Variants in TCF7L2 observed in about 807,000 individuals in gnomAD.
TCF7L2 encodes transcription factor 7 like 2, also known as transcription factor 7-like 2.
In TCF7L2, 23 loss-of-function variants were observed where a neutral mutation model predicts 77.9. The observed-to-expected ratio is 0.30, with a 90% CI of 0.21 to 0.42. The LOEUF (loss-of-function observed/expected upper bound fraction) is 0.42. TCF7L2 is among the 10% of genes least tolerant of loss of function. The probability of loss-of-function intolerance (pLI) is 1.00; values close to 1 mark genes in which losing one functional copy is unlikely to be tolerated. For missense variants in TCF7L2, 654 were observed against 793.1 expected, an observed-to-expected ratio of 0.82 and a Z score of 2.11; for synonymous variants, 413 against 340.2, an observed-to-expected ratio of 1.21 and a Z score of -2.36.
intron 5 of TCF7L2, among the ~76,000 whole-genome samples, chr10:113,118,667 T>TTTTTTTG (rs2064264768): frequency 1.2e-4 from 1 of 8,190 alleles, no homozygotes; most frequent in East Asian, 2.9e-3. Context: ...TTTTTTTGTT[T>TTTTTTTG]TTTTTTTTTT....
At chr10:113,045,913 T>C (rs1479105293) in intron 5 of TCF7L2, among the ~76,000 whole-genome samples, 1 of 152,172 alleles carries the variant, frequency 6.6e-6, no homozygotes, top group Non-Finnish European at 1.5e-5. Context: ...TCTAAGGATA[T>C]AAAGCAAGCC....
At chr10:113,118,515 TGG>T (rs202040738) in intron 5 of TCF7L2, among the ~76,000 whole-genome samples, 4,397 of 139,812 alleles carry the variant, frequency 0.031, 141 homozygotes, top group African/African-American at 0.08. Flanking sequence ...ACTGGTCATC[TGG>T]GGGGTGTGTG....
At chr10:113,042,036 T>C (rs2052544185) in intron 5 of TCF7L2, among the ~76,000 whole-genome samples, 3 of 152,214 alleles carry the variant, frequency 2.0e-5, no homozygotes, top group Admixed American at 2.0e-4. Context: ...CAGGGAGCAG[T>C]ACCCCCGTGT....
At chr10:113,033,622 T>C (rs1056640115) in intron 4 of TCF7L2, among the ~76,000 whole-genome samples, 1 of 152,220 alleles carries the variant, frequency 6.6e-6, no homozygotes, top group Non-Finnish European at 1.5e-5. Flanking sequence ...TGGTTTTCTT[T>C]TCCTAGGTAA....
chr10:113,087,862 A>G (rs2059987531), intron 5 of TCF7L2, among the ~76,000 whole-genome samples: 1 of 152,236 alleles, frequency 6.6e-6, no homozygotes, highest in East Asian at 1.9e-4. Context: ...CTTGAGGCCC[A>G]TGGGAATACC....
At chr10:113,050,216 T>C (rs1195851728) in intron 5 of TCF7L2, among the ~76,000 whole-genome samples, 2 of 152,206 alleles carry the variant, frequency 1.3e-5, no homozygotes, top group East Asian at 1.9e-4. Flanking sequence ...TTACTCTTTG[T>C]CTTCCTGCTC....
intron 5 of TCF7L2, among the ~76,000 whole-genome samples, chr10:113,112,351 T>C (rs1449751980): frequency 6.6e-6 from 1 of 152,204 alleles, no homozygotes; most frequent in Admixed American, 6.5e-5. Flanking sequence ...CACACACACA[T>C]GCACACATGC....
chr10:113,114,774 A>G (rs1273508547), intron 5 of TCF7L2, among the ~76,000 whole-genome samples: 1 of 152,188 alleles, frequency 6.6e-6, no homozygotes, highest in African/African-American at 2.4e-5. Flanking sequence ...AGACTGAGAG[A>G]GAAAGAGTAT....
chr10:112,983,982 C>T (rs997673411), intron 4 of TCF7L2, among the ~76,000 whole-genome samples: 1 of 152,222 alleles, frequency 6.6e-6, no homozygotes, highest in Non-Finnish European at 1.5e-5. Context: ...AACTTCGATT[C>T]TCCCAGTCGA....
intron 4 of TCF7L2, among the ~76,000 whole-genome samples, chr10:112,970,172 G>A (rs1295814202): frequency 2.0e-5 from 3 of 151,968 alleles, no homozygotes. Context: ...TGGTTTGTGT[G>A]TGTGTGTGTG....
At chr10:112,988,290 G>A (rs1394077647) in intron 4 of TCF7L2, among the ~76,000 whole-genome samples, 3 of 152,044 alleles carry the variant, frequency 2.0e-5, no homozygotes, top group Non-Finnish European at 4.4e-5. Context: ...GTAGTGATGG[G>A]GTTTTGCCAT....
intron 12 of TCF7L2, 138 bp from the exon 14 acceptor site, chr10:113,159,782 T>G: frequency 1.1e-5 from 7 of 651,728 alleles, no homozygotes; most frequent in East Asian, 2.9e-5. Flanking sequence ...AGGTCATTGA[T>G]TTATTCCCTT....
At chr10:113,063,492 G>A (rs1232325575) in intron 5 of TCF7L2, among the ~76,000 whole-genome samples, 2 of 152,110 alleles carry the variant, frequency 1.3e-5, no homozygotes, top group East Asian at 3.9e-4. Flanking sequence ...GCACTGCTCT[G>A]GCTGGAGGGA....
intron 5 of TCF7L2, among the ~76,000 whole-genome samples, chr10:113,107,774 A>AAAAAC (rs1408038947): frequency 4.0e-5 from 6 of 149,898 alleles, no homozygotes; most frequent in South Asian, 2.1e-4. Flanking sequence ...AAAAAAAAAA[A>AAAAAC]AACAACAAAA....
intron 13 of TCF7L2, among the ~76,000 whole-genome samples, chr10:113,162,896 G>A (rs146130180): frequency 1.3e-5 from 2 of 152,030 alleles, no homozygotes; most frequent in Non-Finnish European, 2.9e-5. Flanking sequence ...ATGAAGCCTA[G>A]GTTGGGGGTG....
intron 5 of TCF7L2, among the ~76,000 whole-genome samples, chr10:113,086,773 A>AAAAG (rs1564875712): frequency 6.6e-6 from 1 of 150,850 alleles, no homozygotes; most frequent in Non-Finnish European, 1.5e-5. Flanking sequence ...AAAAAAAAAA[A>AAAAG]AAACTATAGT....
rs144593343 is a variant in TCF7L2 at position 113,004,374 on chromosome 10, GTTAAAGT to G, written c.451-35646_451-35640del. On this transcript the variant is annotated intron_variant, in intron 4 of 13. Coordinates refer to ENST00000627217, the MANE Select transcript of TCF7L2 (RefSeq NM_001146274.2). ...GATGGAGCTGCAGATGGGTGTGGAA[GTTAAAGT>G]TTAACTGTTCATTCACCAGTCCTTC... is the stretch of plus-strand genomic sequence containing the variant. Among the ~76,000 whole-genome samples the G allele has an allele frequency of 1.4e-3, 213 of 152,306 alleles. 2 individuals are homozygous for G. Among genetic ancestry groups the G allele is most frequent in the Middle Eastern group, 3.4e-3 (1 of 294 alleles).
intron 4 of TCF7L2, among the ~76,000 whole-genome samples, chr10:112,990,857 C>T (rs1255510934): frequency 2.6e-5 from 4 of 152,154 alleles, no homozygotes; most frequent in East Asian, 3.9e-4. Context: ...CAAGACAGAC[C>T]GTTTGATGGA....
intron 4 of TCF7L2, among the ~76,000 whole-genome samples, chr10:112,993,373 G>C (rs1185209726): frequency 6.6e-6 from 1 of 151,946 alleles, no homozygotes; most frequent in African/African-American, 2.4e-5. Context: ...GGGTGTGGTC[G>C]TGGGCACCTG....
Sources: allele counts gnomAD v4.1 joint callset (sites outside exome capture counted in the v4.1 genomes callset), GRCh38; gene constraint gnomAD v4.1.1; transcripts MANE v1.5; gene names NCBI Gene and HGNC (gene_info 2026-07-23, HGNC 2026-07-21).